Variants in CASZ1 observed in about 807,000 individuals in gnomAD.
CASZ1 encodes the protein zinc finger protein castor homolog 1.
Under a neutral mutation model 135.2 loss-of-function variants are expected in CASZ1, and 28 were observed. The ratio of observed to expected loss-of-function variants is 0.21; its 90% CI spans 0.15 to 0.28. CASZ1 has a LOEUF of 0.28. CASZ1 is among the 10% of genes least tolerant of loss of function. CASZ1 has a pLI of 1.00. For missense variants in CASZ1, 2,161 were observed against 2,453.3 expected (o/e 0.88, Z 2.52); for synonymous variants, 1,068 against 1,073.4 (o/e 0.99, Z 0.10).
intron 20 of CASZ1, among the ~76,000 whole-genome samples, chr1:10,641,283 G>A (rs1448583914): frequency 6.6e-6 from 1 of 152,252 alleles, no homozygotes; most frequent in Admixed American, 6.5e-5. Context: ...ACAGGGTCTG[G>A]TTATGCCAGA....
chr1:10,724,564 G>A lies in CASZ1; in HGVS notation c.-76-19020C>T, dbSNP rs1639561447. 6.6e-6 allele frequency among the ~76,000 whole-genome samples: 1 copy of A among 152,188 alleles called. No homozygotes were observed. Among genetic ancestry groups the A allele is most frequent in the Admixed American group, 6.5e-5 (1 of 15,286 alleles). On this transcript the variant is annotated intron_variant, in intron 2 of 20. Transcript: ENST00000377022. This position sits in a 1 kb window ranked among gnomAD's most constrained non-coding sequence, Gnocchi z 4.1. ...AAGCAGAGAGAGGCTTTGGAGCCCA[G>A]GAATCACCTAGCCCTCAGGGGTAGG...
At chr1:10,760,661 C>A (rs1640355244) in intron 2 of CASZ1, 40 bp downstream of exon 2, 1 of 152,412 alleles carries the variant, frequency 6.6e-6, no homozygotes, top group African/African-American at 2.4e-5. Flanking sequence ...CTGGCCACCC[C>A]ACACTTCCTA....
At chr1:10,685,599 C>T (rs886247552) in intron 4 of CASZ1, among the ~76,000 whole-genome samples, 1 of 152,238 alleles carries the variant, frequency 6.6e-6, no homozygotes, top group Admixed American at 6.5e-5. Flanking sequence ...AGAAGGGAGG[C>T]TCCTCCCCAA....
rs1639470331 is a variant in CASZ1, at chr1:10,720,159, C to T, written c.-76-14615G>A. 6.6e-6 allele frequency among the ~76,000 whole-genome samples: 1 copy of T among 152,182 alleles called. No homozygotes were observed. The highest frequency in any genetic ancestry group is 6.5e-5 in the Admixed American group (1 of 15,278). ...ATCTGGCCTCTCCGAGGTTCAATTT[C>T]CTTGTCTATAAAATGCACGCGATGA... On this transcript the variant is annotated intron_variant, in intron 2 of 20. Transcript: ENST00000377022. This position sits in a 1 kb window ranked among gnomAD's most constrained non-coding sequence, Gnocchi z 5.7.
rs1318033226 is a variant in CASZ1 at position 10,788,700 on chromosome 1, C to T, written c.-234+7864G>A. On this transcript the variant is annotated intron_variant, in intron 1 of 20. Transcript: ENST00000377022. This position sits in a 1 kb window ranked among gnomAD's most constrained non-coding sequence, Gnocchi z 4.1. The stretch of plus-strand genomic sequence containing the variant: ...TGGCAGCAAGTGTCCCTGACCGCTG[C>T]CTCCTCACCCGGGAGCTGCCCCGGC... Among the ~76,000 whole-genome samples the T allele has an allele frequency of 3.3e-5, 5 of 152,170 alleles. No individual in the cohort carries two copies. The highest frequency in any genetic ancestry group is 7.4e-5 in the Non-Finnish European group (5 of 68,018).
At position 10,721,535 on chromosome 1, in the gene CASZ1, G is replaced by A. The variant is rs1639496431; in HGVS notation, c.-76-15991C>T. Among the ~76,000 whole-genome samples, 1 of 152,136 alleles carries A rather than the reference G, an allele frequency of 6.6e-6. No individual in the cohort carries two copies. Among genetic ancestry groups the A allele is most frequent in the African/African-American group, 2.4e-5 (1 of 41,420 alleles). On this transcript the variant is annotated intron_variant, in intron 2 of 20. Coordinates refer to ENST00000377022, the MANE Select transcript of CASZ1 (RefSeq NM_001079843.3). This position sits in a 1 kb window ranked among gnomAD's most constrained non-coding sequence, Gnocchi z 5.4. The stretch of plus-strand genomic sequence containing the variant: ...CTCCTCCATTCCCGGCTCGCAGGGA[G>A]CTTGAAACCAGGACTGGTTCCATGC...
chr1:10,650,922 A>G lies in CASZ1; in HGVS notation c.2816+19T>C. On this transcript the variant is annotated intron_variant, in intron 12 of 20. Transcript: ENST00000377022. ...GGTGTGGTTCCCGGGGCTGGCTCCC[A>G]TAGGGGGCCTCGCCTCACCTGGGCT... 10 of 1,606,864 alleles carry G rather than the reference A, an allele frequency of 6.2e-6. No individual in the cohort carries two copies. Among genetic ancestry groups the G allele is most frequent in the South Asian group, 1.1e-5 (1 of 90,278 alleles).
In CASZ1 at chr1:10,639,128, G is replaced by T; in HGVS notation, c.5094C>A (p.Asp1698Glu). 8.7e-7 allele frequency: 1 copy of T among 1,147,532 alleles called. No homozygotes were observed. The highest frequency in any genetic ancestry group is 1.1e-6 in the Non-Finnish European group (1 of 914,056). The allele number at this position is 1,147,532 out of a possible 1,614,324, so 71.1% of individuals were successfully genotyped here. Residue 1698 changes from aspartate to glutamate, a missense_variant, in exon 21 of 21, where the codon GAC becomes GAA. This residue lies in a region of CASZ1 where 185 missense variants were observed against 134.7 expected (regional missense o/e 1.37). Coordinates refer to ENST00000377022, the MANE Select transcript of CASZ1 (RefSeq NM_001079843.3). The surrounding 1 kb of genome is among the most constrained non-coding windows in gnomAD (Gnocchi z 4.0). Reference sequence around the variant, plus strand: ...CGTCGTCCTCGTCGTCGTCGTCCTCGTCGTCGTCCTCGTCCTCGTCGTCTT... The same window carrying T: ...CGTCGTCCTCGTCGTCGTCGTCCTCTTCGTCGTCCTCGTCCTCGTCGTCTT... ...EAEDDEDEDD[D>E]EDDDDEDDDE...
rs1640619641 is a variant in CASZ1 at position 10,774,024 on chromosome 1, C to G, written c.-233-13167G>C. Among the ~76,000 whole-genome samples, 2 of 152,302 alleles carry G rather than the reference C, an allele frequency of 1.3e-5. No individual in the cohort carries two copies. The highest frequency in any genetic ancestry group is 6.5e-5 in the Admixed American group (1 of 15,308). The stretch of plus-strand genomic sequence containing the variant: ...TGGTCCGGAGCAAACCTCCTTAACT[C>G]TGATCCCAGCACAGAGGTGGGACCT... On this transcript the variant is annotated intron_variant, in intron 1 of 20. Transcript: ENST00000377022. This position sits in a 1 kb window ranked among gnomAD's most constrained non-coding sequence, Gnocchi z 4.4.
intron 9 of CASZ1, among the ~76,000 whole-genome samples, chr1:10,655,342 ATGC>A (rs1642750820): frequency 6.6e-6 from 1 of 152,254 alleles, no homozygotes; most frequent in Non-Finnish European, 1.5e-5. Flanking sequence ...ATCATTTGCA[ATGC>A]TGCTCTTGGT....
In CASZ1 at chr1:10,739,520, T is replaced by C. The variant is rs12046278; in HGVS notation, c.-77+21181A>G. ...CTGCGCCCACTCAGGCTTCCAGACCTTTCCCTGAGCCCTCCGCCCCCCGGG... is the reference window on the plus strand; with the variant it reads ...CTGCGCCCACTCAGGCTTCCAGACCCTTCCCTGAGCCCTCCGCCCCCCGGG... On this transcript the variant is annotated intron_variant, in intron 2 of 20. Transcript: ENST00000377022. This position sits in a 1 kb window ranked among gnomAD's most constrained non-coding sequence, Gnocchi z 4.8. Among the ~76,000 whole-genome samples the C allele has an allele frequency of 0.37, 55,967 of 152,030 alleles. 11,037 individuals are homozygous for C. The highest frequency in any genetic ancestry group is 0.72 in the East Asian group (3,710 of 5,156).
chr1:10,703,263 C>T (rs1639102001), intron 3 of CASZ1, among the ~76,000 whole-genome samples: 1 of 152,076 alleles, frequency 6.6e-6, no homozygotes, highest in Admixed American at 6.5e-5. Flanking sequence ...CCACCTTGGC[C>T]CACAGCAGTA....
At chr1:10,737,632 G>T (rs1370422108) in intron 2 of CASZ1, among the ~76,000 whole-genome samples, 1 of 152,254 alleles carries the variant, frequency 6.6e-6, no homozygotes, top group Non-Finnish European at 1.5e-5. Context: ...TGGCTGTAAG[G>T]GTTGGGGTCT....
intron 1 of CASZ1, among the ~76,000 whole-genome samples, chr1:10,769,796 A>T (rs1390936482): frequency 6.6e-6 from 1 of 151,980 alleles, no homozygotes; most frequent in Non-Finnish European, 1.5e-5. Context: ...GGATTACAGG[A>T]GTGAGCCGCC....
At chr1:10,667,992 C>T (rs1393205114) in intron 4 of CASZ1, among the ~76,000 whole-genome samples, 4 of 152,320 alleles carry the variant, frequency 2.6e-5, no homozygotes, top group Non-Finnish European at 4.4e-5. Context: ...CGGCACCTGC[C>T]CTCCAGCTGC....
intron 1 of CASZ1, among the ~76,000 whole-genome samples, chr1:10,780,677 A>G (rs959015726): frequency 2.0e-5 from 3 of 152,112 alleles, no homozygotes; most frequent in Admixed American, 6.5e-5. Flanking sequence ...TTTCCCTTTG[A>G]TCTATTTTCA....
At chr1:10,710,423 C>A (rs1034633628) in intron 2 of CASZ1, among the ~76,000 whole-genome samples, 2 of 152,202 alleles carry the variant, frequency 1.3e-5, no homozygotes, top group Non-Finnish European at 2.9e-5. Context: ...TTCCCAGTGG[C>A]CCTGCCCGAT....
intron 2 of CASZ1, among the ~76,000 whole-genome samples, chr1:10,740,932 T>G (rs1444894270): frequency 1.7e-5 from 2 of 119,436 alleles, no homozygotes; most frequent in African/African-American, 6.5e-5. Flanking sequence ...CACACCAGCC[T>G]GGGCGACAGG....
At position 10,744,948 on chromosome 1, in the gene CASZ1, G is replaced by A. The variant is rs140983715; in HGVS notation, c.-77+15753C>T. ...CACCCAATACCCCCTAAGACTCCAC[G>A]GCCACTCCAAGTCCCCAGCAACCGG... On this transcript the variant is annotated intron_variant, in intron 2 of 20. Coordinates refer to ENST00000377022, the MANE Select transcript of CASZ1 (RefSeq NM_001079843.3). Among the ~76,000 whole-genome samples the A allele has an allele frequency of 8.3e-4, 126 of 152,178 alleles. 1 individual carries two copies. The highest frequency in any genetic ancestry group is 1.4e-3 in the Non-Finnish European group (95 of 68,012).
Sources: allele counts gnomAD v4.1 joint callset (sites outside exome capture counted in the v4.1 genomes callset), GRCh38; gene constraint gnomAD v4.1.1; regional missense constraint gnomAD v4.1.1; non-coding constraint Gnocchi (gnomAD v3.1); transcripts MANE v1.5; gene names NCBI Gene and HGNC (gene_info 2026-07-23, HGNC 2026-07-21).